Variants in MARCHF10 observed in about 807,000 individuals in gnomAD.
The protein encoded by MARCHF10 is membrane associated ring-CH-type finger 10, also known as probable E3 ubiquitin-protein ligase MARCHF10.
MARCHF10 carries 64 observed loss-of-function variants against 76.2 expected under a neutral mutation model. The observed-to-expected ratio is 0.84, with a 90% confidence interval of 0.69 to 1.03. The LOEUF is 1.03. MARCHF10 is among the 50% of genes least tolerant of loss of function. The pLI is 0.00. For missense variants in MARCHF10, 875 were observed against 958.0 expected, an observed-to-expected ratio of 0.91 and a Z score of 1.14; for synonymous variants, 340 against 357.5, an observed-to-expected ratio of 0.95 and a Z score of 0.55.
intron 4 of MARCHF10, among the ~76,000 whole-genome samples, chr17:62,749,200 C>A (rs2091813174): frequency 1.2e-5 from 1 of 85,822 alleles, no homozygotes; most frequent in Admixed American, 1.1e-4. Context: ...TTAATTTGAC[C>A]AGGAAAGGGA....
chr17:62,707,354 CTG>C (rs1168945180), intron 9 of MARCHF10: 3 of 152,422 alleles, frequency 2.0e-5, no homozygotes, highest in Non-Finnish European at 4.4e-5. Flanking sequence ...TTCCATGTCT[CTG>C]TGCGTTTCCA....
In MARCHF10 at chr17:62,743,418, C is replaced by G. The variant is rs368736820; in HGVS notation, c.535+958G>C. ...ATCCCAGCACTTTGGGAGGCCAAGG[C>G]AAGCAGATCACTTGAGGCCAGGAGT... is the stretch of plus-strand genomic sequence containing the variant. On this transcript the variant is annotated intron_variant, in intron 5 of 10. Coordinates refer to ENST00000311269, the MANE Select transcript of MARCHF10 (RefSeq NM_152598.4). Among the ~76,000 whole-genome samples the G allele has an allele frequency of 9.9e-5, 15 of 152,162 alleles. No homozygotes were observed. In the East Asian group the frequency reaches 2.9e-3, roughly 29 times the overall value.
rs118037338 is a variant in MARCHF10 at position 62,780,174 on chromosome 17, G to A, written c.210+8306C>T. Among the ~76,000 whole-genome samples, 57 of 102,026 alleles carry A rather than the reference G, an allele frequency of 5.6e-4. No homozygotes were observed. In the East Asian group the frequency reaches 0.014, roughly 26 times the overall value. 66.9% of individuals were successfully genotyped at this position (102,026 alleles called of 152,430 possible). A position where few individuals can be genotyped will look rare whatever the true frequency, so the allele number is the denominator to read the frequency against. On this transcript the variant is annotated intron_variant, in intron 3 of 10. Transcript: ENST00000311269. ...CGTGCTCTTGAGTGTGTAACATGTG[G>A]CTAGTGCCACTAGGGATCTACACAG...
intron 3 of MARCHF10, among the ~76,000 whole-genome samples, chr17:62,781,249 C>T (rs2092653116): frequency 6.6e-6 from 1 of 152,120 alleles, no homozygotes; most frequent in African/African-American, 2.4e-5. Context: ...GCCTCAGAAC[C>T]TTCTCCTCCA....
At chr17:62,793,870 AACC>A (rs1272873364) in intron 2 of MARCHF10, among the ~76,000 whole-genome samples, 26 of 118,960 alleles carry the variant, frequency 2.2e-4, no homozygotes, top group African/African-American at 3.0e-4. Flanking sequence ...CACGTCCATC[AACC>A]ACCACCACCA....
At chr17:62,757,975 A>T (rs2092094315) in intron 4 of MARCHF10, among the ~76,000 whole-genome samples, 1 of 152,222 alleles carries the variant, frequency 6.6e-6, no homozygotes, top group Admixed American at 6.5e-5. Flanking sequence ...GACAAACTAA[A>T]GCATTGGGTG....
Position 62,711,288 on chromosome 17 carries a change from A to T in MARCHF10, c.2271T>A (p.Tyr757Ter), listed in dbSNP as rs2089919201. The change falls in exon 9 of 11, where the codon TAT (tyrosine) becomes TAA (stop). Residue 757 changes from tyrosine to a stop codon, truncating the protein, a stop_gained. Coordinates refer to ENST00000311269, the MANE Select transcript of MARCHF10 (RefSeq NM_152598.4). LOFTEE classifies it high-confidence loss of function. The surrounding 1 kb of genome is among the most constrained non-coding windows in gnomAD (Gnocchi z 4.4). ...TCATGAGTTCTGCAAACCTCTGCTC[A>T]TAGAGGTGAAGCAGCAGCACCAGGT... ...GLYLVLLLHL[Y>*]EQRFAELMRL... 1 of 1,614,104 alleles carries T rather than the reference A, an allele frequency of 6.2e-7. No homozygotes were observed. Among genetic ancestry groups the T allele is most frequent in the African/African-American group, 1.3e-5 (1 of 75,046 alleles).
chr17:62,800,070 C>G (rs555214750), intron 2 of MARCHF10, among the ~76,000 whole-genome samples: 1 of 152,186 alleles, frequency 6.6e-6, no homozygotes, highest in Non-Finnish European at 1.5e-5. Flanking sequence ...ACTGAAACTA[C>G]CTTACACATT....
chr17:62,721,158 C>T (rs1023207658), intron 8 of MARCHF10, among the ~76,000 whole-genome samples: 9 of 152,064 alleles, frequency 5.9e-5, no homozygotes, highest in Admixed American at 3.3e-4. Context: ...TTCTATCTGC[C>T]TGTCTTTCCA....
At chr17:62,756,536 AAAC>A (rs2092049669) in intron 4 of MARCHF10, among the ~76,000 whole-genome samples, 1 of 152,234 alleles carries the variant, frequency 6.6e-6, no homozygotes, top group African/African-American at 2.4e-5. Flanking sequence ...AAGACAAAGA[AAAC>A]AAAGTTTTCT....
intron 4 of MARCHF10, among the ~76,000 whole-genome samples, chr17:62,747,882 G>C (rs765094840): frequency 6.6e-6 from 1 of 152,158 alleles, no homozygotes; most frequent in Non-Finnish European, 1.5e-5. Context: ...GTGTGCCTTT[G>C]CTATGCTATA....
intron 1 of MARCHF10, among the ~76,000 whole-genome samples, chr17:62,806,878 C>T (rs76417914): frequency 6.6e-5 from 10 of 152,156 alleles, no homozygotes; most frequent in African/African-American, 2.2e-4. Flanking sequence ...TTTGAAGGAG[C>T]CTGTTCTTAA....
At chr17:62,714,322 C>A in intron 8 of MARCHF10, 1 of 882,638 alleles carries the variant, frequency 1.1e-6, no homozygotes, top group Non-Finnish European at 1.4e-6. Flanking sequence ...CTGTGCAGGA[C>A]CAAAGGGACT....
intron 3 of MARCHF10, among the ~76,000 whole-genome samples, chr17:62,779,171 C>T (rs913320388): frequency 1.3e-5 from 2 of 152,110 alleles, no homozygotes; most frequent in Non-Finnish European, 2.9e-5. Flanking sequence ...AAGAACACCA[C>T]GCCAGGTGTT....
Position 62,744,519 on chromosome 17 carries a change from G to T in MARCHF10, c.392C>A (p.Ala131Glu). The part of the protein sequence containing the change: ...DPSEPSPADQ[A>E]PMVLLRKRKP... Reference sequence around the variant, plus strand: ...CCTCTTTCTTAATAAAACCATTGGTGCTTGGTCTGCTGAAAGATGCAAAGT... The same window carrying T: ...CCTCTTTCTTAATAAAACCATTGGTTCTTGGTCTGCTGAAAGATGCAAAGT... Residue 131 changes from alanine (A) to glutamate (E), a missense_variant, in exon 5 of 11, where the codon GCA becomes GAA. By Grantham distance (107) the Ala-to-Glu change is moderately radical (BLOSUM62 -1). Coordinates refer to ENST00000311269, the MANE Select transcript of MARCHF10 (RefSeq NM_152598.4). 1.2e-6 allele frequency: 2 copies of T among 1,613,634 alleles called. No individual in the cohort carries two copies. Among genetic ancestry groups the T allele is most frequent in the Non-Finnish European group, 8.5e-7 (1 of 1,179,906 alleles).
intron 9 of MARCHF10, among the ~76,000 whole-genome samples, 187 bp from the exon 10 acceptor site, chr17:62,705,768 C>T (rs1599025662): frequency 6.6e-6 from 1 of 152,090 alleles, no homozygotes; most frequent in African/African-American, 2.4e-5. Flanking sequence ...CTCATCCTGA[C>T]GAGAGCTGCA....
At chr17:62,776,502 G>A (rs1159381552) in intron 3 of MARCHF10, among the ~76,000 whole-genome samples, 2 of 152,178 alleles carry the variant, frequency 1.3e-5, no homozygotes, top group African/African-American at 4.8e-5. Flanking sequence ...ATTACCTAGA[G>A]GAACTCAGAC....
chr17:62,717,940 T>C (rs937497051), intron 8 of MARCHF10, among the ~76,000 whole-genome samples: 1 of 152,126 alleles, frequency 6.6e-6, no homozygotes, highest in Non-Finnish European at 1.5e-5. Context: ...GCCGAGGATA[T>C]GGATGTGACC....
intron 3 of MARCHF10, among the ~76,000 whole-genome samples, chr17:62,766,802 G>C (rs1367553959): frequency 6.6e-6 from 1 of 152,182 alleles, no homozygotes; most frequent in African/African-American, 2.4e-5. Flanking sequence ...TTAACACCGT[G>C]CTAGGCTCTG....
Sources: gnomAD v4.1 joint callset for allele counts (sites outside exome capture counted in the v4.1 genomes callset) on GRCh38, gnomAD v4.1.1 for gene constraint, Gnocchi (gnomAD v3.1) non-coding constraint, MANE v1.5 for transcripts, NCBI Gene and HGNC (gene_info 2026-07-23, HGNC 2026-07-21) for gene names.